WDR4: variants seen among roughly 807,000 people sequenced by gnomAD.
WDR4 encodes the protein tRNA (guanine-N(7)-)-methyltransferase non-catalytic subunit WDR4.
Under a neutral mutation model 48.6 loss-of-function variants are expected in WDR4, and 47 were observed. That is an observed-to-expected ratio of 0.97 (90% CI 0.77 to 1.23). The LOEUF is 1.23. WDR4 is among the 50% of genes most tolerant of loss of function. WDR4 has a pLI of 0.00. For synonymous variants in WDR4, 268 were observed against 230.0 expected, an observed-to-expected ratio of 1.17 and a Z score of -1.49; for missense variants, 606 against 551.6, an observed-to-expected ratio of 1.10 and a Z score of -0.99.
rs372735959 is a variant in WDR4, at chr21:42,859,150, G to A, written c.627+512C>T. 1.6e-4 allele frequency among the ~76,000 whole-genome samples: 24 copies of A among 152,070 alleles called. 1 individual carries two copies. The South Asian group carries it at 2.1e-3, about 13-fold the overall frequency. On this transcript the variant is annotated intron_variant, in intron 6 of 10. Transcript: ENST00000398208. The stretch of plus-strand genomic sequence containing the variant: ...TGTGGTAACCCGGGTGCGGGCGCTC[G>A]AGCCTGTGGTCCCAGCTACTTGGGA...
At chr21:42,888,840 A>G in the WDR4 span, among the ~76,000 whole-genome samples, 5 of 151,494 alleles carry the variant, frequency 3.3e-5, no homozygotes, top group South Asian at 1.0e-3. Context: ...AGCTGGGATT[A>G]CAGGTGCCCA....
intron 10 of WDR4, among the ~76,000 whole-genome samples, chr21:42,851,692 C>T (rs1439986649): frequency 6.6e-6 from 1 of 152,222 alleles, no homozygotes; most frequent in Non-Finnish European, 1.5e-5. Flanking sequence ...CAGCTCCTCC[C>T]TCAGCCTGGC....
rs1432795183 is a variant in WDR4 at position 42,863,588 on chromosome 21, G to A, written c.305C>T (p.Ala102Val). 2 of 1,613,332 alleles carry A rather than the reference G, an allele frequency of 1.2e-6. No homozygotes were observed. Among genetic ancestry groups the A allele is most frequent in the African/African-American group, 1.3e-5 (1 of 74,856 alleles). Residue 102 changes from alanine (A) to valine (V), a missense_variant, in exon 4 of 11, where the codon GCA becomes GTA. By Grantham distance (64) the Ala-to-Val change is moderately conservative (BLOSUM62 0). Transcript: ENST00000398208. ...PWQCLSVRTV[A>V]RRCTALTFIA... The stretch of plus-strand genomic sequence containing the variant: ...GAAAGTCAGGGCTGTACACCTCCTT[G>A]CCACGGTCCTAGAAGGCCAGAAAGA...
rs528485421 is a variant in WDR4, at chr21:42,852,199, C to G, written c.1045+56G>C. On this transcript the variant is annotated intron_variant, in intron 10 of 10. Coordinates refer to ENST00000398208, the MANE Select transcript of WDR4 (RefSeq NM_018669.6). The stretch of plus-strand genomic sequence containing the variant: ...AGGTCACAGTGTGTGCTTCTGCTTT[C>G]TCTGGGGACCGCGCTGGGTGTGACC... 1.9e-6 allele frequency: 3 copies of G among 1,593,876 alleles called. No homozygotes were observed. In the East Asian group the frequency reaches 6.7e-5, roughly 36 times the overall value.
chr21:42,892,410 G>A, the WDR4 span, among the ~76,000 whole-genome samples: 1 of 152,008 alleles, frequency 6.6e-6, no homozygotes, highest in Non-Finnish European at 1.5e-5. Context: ...GCATTTACTT[G>A]ATAGCAGACT....
chr21:42,853,368 G>C (rs2057886120), intron 9 of WDR4, among the ~76,000 whole-genome samples: 1 of 152,234 alleles, frequency 6.6e-6, no homozygotes, highest in African/African-American at 2.4e-5. Context: ...GGACAAGCCA[G>C]CCACGCCGGC....
chr21:42,875,774 G>A (rs994760589), intron 2 of WDR4, among the ~76,000 whole-genome samples: 18 of 152,102 alleles, frequency 1.2e-4, no homozygotes, highest in African/African-American at 3.1e-4. Flanking sequence ...GCCACCATAC[G>A]AAACACTCAC....
intron 3 of WDR4, among the ~76,000 whole-genome samples, chr21:42,872,716 C>T (rs2058400521): frequency 6.6e-6 from 1 of 151,976 alleles, no homozygotes; most frequent in Admixed American, 6.6e-5. Context: ...CAGCGGATCA[C>T]CTGAGGTCAG....
the WDR4 span, among the ~76,000 whole-genome samples, chr21:42,891,432 T>C: frequency 6.6e-6 from 1 of 152,146 alleles, no homozygotes; most frequent in Non-Finnish European, 1.5e-5. Flanking sequence ...TTTCTTTTTG[T>C]TTCTTCTTGA....
intron 10 of WDR4, among the ~76,000 whole-genome samples, 192 bp downstream of exon 10, chr21:42,852,063 T>C (rs959505356): frequency 6.6e-6 from 1 of 152,180 alleles, no homozygotes; most frequent in African/African-American, 2.4e-5. Context: ...CTGACTCCCA[T>C]GGGGGGCTCC....
chr21:42,856,017 G>A (rs899885527), intron 6 of WDR4, among the ~76,000 whole-genome samples: 2 of 152,186 alleles, frequency 1.3e-5, no homozygotes, highest in Admixed American at 1.3e-4. Flanking sequence ...ATATGCCCAG[G>A]CAGATGACAA....
upstream of WDR4, among the ~76,000 whole-genome samples, chr21:42,881,804 C>CT (rs1601199435): frequency 6.6e-6 from 1 of 152,050 alleles, no homozygotes; most frequent in South Asian, 2.1e-4. Context: ...CTATGGCTTT[C>CT]TTTTTTTCTT....
At chr21:42,859,423 C>A (rs529284702) in intron 6 of WDR4, among the ~76,000 whole-genome samples, 21 of 151,456 alleles carry the variant, frequency 1.4e-4, no homozygotes, top group Admixed American at 1.4e-3. Flanking sequence ...GAGCCTTCCA[C>A]ACACCCGTGC....
upstream of WDR4, among the ~76,000 whole-genome samples, chr21:42,881,709 A>G (rs189310238): frequency 3.8e-4 from 58 of 152,350 alleles, no homozygotes; most frequent in Non-Finnish European, 7.1e-4. Context: ...CACATGTTAC[A>G]GTAGCACCTA....
chr21:42,892,791 G>A, the WDR4 span, among the ~76,000 whole-genome samples: 1 of 152,250 alleles, frequency 6.6e-6, no homozygotes, highest in African/African-American at 2.4e-5. Context: ...GAGGGGCAGT[G>A]AGCAGTGGTG....
At chr21:42,868,714 C>T (rs1050838336) in intron 3 of WDR4, among the ~76,000 whole-genome samples, 23 of 152,364 alleles carry the variant, frequency 1.5e-4, no homozygotes, top group African/African-American at 5.5e-4. Context: ...GTCCACTCCA[C>T]CTCTGGAGGG....
upstream of WDR4, among the ~76,000 whole-genome samples, chr21:42,881,480 C>T (rs1198444941): frequency 1.3e-5 from 2 of 152,220 alleles, no homozygotes; most frequent in Admixed American, 6.5e-5. Context: ...ACAGGTTAAT[C>T]TCAACATTAT....
chr21:42,879,164 C>A, intron 1 of WDR4: 1 of 1,314,410 alleles, frequency 7.6e-7, no homozygotes, highest in South Asian at 2.1e-5. Context: ...GACCAGCCAT[C>A]TAGTGCAAGG....
chr21:42,876,508 T>G (rs114085910), intron 2 of WDR4, among the ~76,000 whole-genome samples, 194 bp downstream of exon 2: 3,742 of 152,134 alleles, frequency 0.025, 160 homozygotes, highest in African/African-American at 0.084. Flanking sequence ...GCCACCGTGC[T>G]CAGCCAACAA....
Sources: allele counts gnomAD v4.1 joint callset (sites outside exome capture counted in the v4.1 genomes callset), GRCh38; gene constraint gnomAD v4.1.1; transcripts MANE v1.5; gene names NCBI Gene and HGNC (gene_info 2026-07-23, HGNC 2026-07-21).